SLC18B1: variants seen among roughly 807,000 people sequenced by gnomAD.
SLC18B1 encodes the protein MFS-type transporter SLC18B1.
In SLC18B1, 62 loss-of-function variants were observed where a neutral mutation model predicts 53.9. That is an observed-to-expected ratio of 1.15 (90% CI 0.94 to 1.42). The LOEUF is 1.42. Among genes scored for constraint, SLC18B1 ranks in the 40% most tolerant of loss-of-function variants. The pLI, the probability that SLC18B1 is intolerant of heterozygous loss-of-function variation, is 0.00. For synonymous variants in SLC18B1, 217 were observed against 200.9 expected (o/e 1.08, Z -0.68); for missense variants, 598 against 547.3 (o/e 1.09, Z -0.93).
At chr6:132,792,395 A>AAAAG (rs1554223387) in intron 2 of SLC18B1, among the ~76,000 whole-genome samples, 20 of 147,828 alleles carry the variant, frequency 1.4e-4, no homozygotes, top group Admixed American at 2.7e-4. Flanking sequence ...AAAGAAGGAA[A>AAAAG]GAAGGAAGGA....
intron 2 of SLC18B1, among the ~76,000 whole-genome samples, chr6:132,792,151 C>G (rs897675078): frequency 4.7e-5 from 7 of 150,390 alleles, no homozygotes; most frequent in Non-Finnish European, 8.8e-5. Context: ...TCACTTGAAC[C>G]CAGGAGTCAG....
In SLC18B1 at chr6:132,789,390, G is replaced by A. The variant is rs547614075; in HGVS notation, c.353+374C>T. ...CAAATCACAAGAAGAAAAATTTCTCGTGACATCGTTTCAAATCTGTATTCT... is the reference window on the plus strand; with the variant it reads ...CAAATCACAAGAAGAAAAATTTCTCATGACATCGTTTCAAATCTGTATTCT... On this transcript the variant is annotated intron_variant, in intron 4 of 13. Coordinates refer to ENST00000275227, the MANE Select transcript of SLC18B1 (RefSeq NM_052831.3). The A allele has an allele frequency of 1.6e-4, 27 of 163,654 alleles. No homozygotes were observed. In the South Asian group the frequency reaches 2.1e-3, roughly 12 times the overall value. The allele number at this position is 163,654 out of a possible 1,614,324, so 10.1% of individuals were successfully genotyped here.
intron 6 of SLC18B1, among the ~76,000 whole-genome samples, chr6:132,782,083 G>A (rs112208620): frequency 0.021 from 3,244 of 151,712 alleles, 110 homozygotes; most frequent in African/African-American, 0.072. Flanking sequence ...AGCTACTCGG[G>A]AGGCTGAAGC....
intron 9 of SLC18B1, among the ~76,000 whole-genome samples, chr6:132,773,872 A>T (rs1781038342): frequency 7.1e-6 from 1 of 141,314 alleles, no homozygotes; most frequent in Non-Finnish European, 1.5e-5. Flanking sequence ...GAAAAAGAAA[A>T]GAAAAAAAAA....
chr6:132,784,036 A>C lies in SLC18B1; in HGVS notation c.555T>G (p.Gly185=). The change falls in exon 6 of 14, where the codon GGT becomes GGG. Residue 185 remains glycine (G), a synonymous_variant. Coordinates refer to ENST00000275227, the MANE Select transcript of SLC18B1 (RefSeq NM_052831.3). Reference sequence around the variant, plus strand: ...AGCCAAAGGATTGATACAAAAAGCCACCTACAGGAGGACCTAGTATTAGCC... The same window carrying C: ...AGCCAAAGGATTGATACAAAAAGCCCCCTACAGGAGGACCTAGTATTAGCC... ...GLGLILGPPV[G]GFLYQSFGYE... The C allele has an allele frequency of 6.2e-7, 1 of 1,609,620 alleles. No homozygotes were observed. Among genetic ancestry groups the C allele is most frequent in the Non-Finnish European group, 8.5e-7 (1 of 1,178,096 alleles).
intron 3 of SLC18B1, 36 bp from the exon 4 acceptor site, chr6:132,789,873 G>A (rs756931637): frequency 1.4e-6 from 2 of 1,455,758 alleles, no homozygotes; most frequent in Admixed American, 1.7e-5. Context: ...GTAAATTTAT[G>A]ACTTCCGAAA....
intron 5 of SLC18B1, among the ~76,000 whole-genome samples, chr6:132,786,504 G>A (rs1781376453): frequency 1.4e-5 from 2 of 140,424 alleles, no homozygotes; most frequent in South Asian, 4.4e-4. Flanking sequence ...AGCCGAGATC[G>A]CTCCACTGCA....
At chr6:132,791,057 A>G (rs1239900847) in intron 2 of SLC18B1, among the ~76,000 whole-genome samples, 1 of 152,244 alleles carries the variant, frequency 6.6e-6, no homozygotes, top group Non-Finnish European at 1.5e-5. Flanking sequence ...AACTTTGTCA[A>G]GTCCCGGAAC....
chr6:132,787,680 T>A (rs529988560), intron 4 of SLC18B1, 99 bp from the exon 5 acceptor site: 4 of 1,084,144 alleles, frequency 3.7e-6, no homozygotes, highest in Admixed American at 3.4e-5. Flanking sequence ...ACCTCACTCA[T>A]GGTTTTTAGA....
At position 132,770,341 on chromosome 6, in the gene SLC18B1, A is replaced by G. The variant is rs760130126; in HGVS notation, c.1305-5T>C. On this transcript the variant is annotated splice_polypyrimidine_tract_variant and splice_region_variant and intron_variant, in intron 13 of 13. Coordinates refer to ENST00000275227, the MANE Select transcript of SLC18B1 (RefSeq NM_052831.3). ...AGGATGTTTTGAGATTTAGACCTAC[A>G]TTGAGGGAAAGAAGAGATGAATCTC... 1.2e-5 allele frequency: 20 copies of G among 1,609,618 alleles called. No individual in the cohort carries two copies. The South Asian group carries it at 2.2e-4, about 18-fold the overall frequency.
chr6:132,776,454 G>A, intron 7 of SLC18B1, 25 bp from the exon 8 acceptor site: 1 of 1,559,170 alleles, frequency 6.4e-7, no homozygotes, highest in Non-Finnish European at 8.8e-7. Context: ...CTATATTAAA[G>A]TTACATAATT....
chr6:132,783,638 C>T (rs1323601098), intron 6 of SLC18B1, among the ~76,000 whole-genome samples: 2 of 152,112 alleles, frequency 1.3e-5, no homozygotes, highest in African/African-American at 4.8e-5. Context: ...CATATGTGGC[C>T]CACAGAAACT....
At chr6:132,779,147 A>T in intron 7 of SLC18B1, 121 bp downstream of exon 7, 1 of 1,110,658 alleles carries the variant, frequency 9.0e-7, no homozygotes, top group Non-Finnish European at 1.3e-6. Flanking sequence ...CTCGGTGTGT[A>T]GTGCCCATTC....
At chr6:132,779,077 C>A (rs1385869627) in intron 7 of SLC18B1, among the ~76,000 whole-genome samples, 191 bp downstream of exon 7, 1 of 152,170 alleles carries the variant, frequency 6.6e-6, no homozygotes, top group Non-Finnish European at 1.5e-5. Flanking sequence ...TGAAAGACTT[C>A]CTTCATTTTT....
chr6:132,790,850 G>A (rs1209423346), intron 2 of SLC18B1, among the ~76,000 whole-genome samples: 1 of 152,078 alleles, frequency 6.6e-6, no homozygotes, highest in Non-Finnish European at 1.5e-5. Context: ...ATGCTCCCCT[G>A]ACATTCTACG....
intron 9 of SLC18B1, 149 bp from the exon 10 acceptor site, chr6:132,773,237 A>C: frequency 3.5e-6 from 1 of 283,160 alleles, no homozygotes; most frequent in South Asian, 2.9e-5. Context: ...CATCTAACCC[A>C]TTTCATTCAG....
At position 132,772,158 on chromosome 6, in the gene SLC18B1, A is replaced by G. The variant is rs1392909628; in HGVS notation, c.1134T>C (p.Gly378=). The part of the protein sequence containing the change: ...EGLSTLGLVS[G]LFSAMWSIGA... ...CAATTGACCACATTGCACTAAAAAG[A>G]CCTGATACAAGTCCCAATGTACTTA... The change falls in exon 11 of 14, where the codon GGT becomes GGC. Residue 378 remains glycine (G), a synonymous_variant. Coordinates refer to ENST00000275227, the MANE Select transcript of SLC18B1 (RefSeq NM_052831.3). 2 of 1,582,256 alleles carry G rather than the reference A, an allele frequency of 1.3e-6. No individual in the cohort carries two copies. The highest frequency in any genetic ancestry group is 1.7e-6 in the Non-Finnish European group (2 of 1,169,386).
Position 132,792,353 on chromosome 6 carries a change from A to G in SLC18B1, c.184-2081T>C, listed in dbSNP as rs190734595. ...GAAGGAAGGAAGGAAGGAAGGAAGG[A>G]AGGGAAAGAAAGAAAAGAAGGAAAG... On this transcript the variant is annotated intron_variant, in intron 2 of 13. Coordinates refer to ENST00000275227, the MANE Select transcript of SLC18B1 (RefSeq NM_052831.3). Among the ~76,000 whole-genome samples the G allele has an allele frequency of 8.6e-5, 10 of 116,070 alleles. No homozygotes were observed. In the East Asian group the frequency reaches 1.1e-3, roughly 13 times the overall value. 76.1% of individuals were successfully genotyped at this position (116,070 alleles called of 152,430 possible). A position where few individuals can be genotyped will look rare whatever the true frequency, so the allele number is the denominator to read the frequency against.
At chr6:132,778,997 G>A (rs993213337) in intron 7 of SLC18B1, among the ~76,000 whole-genome samples, 3 of 152,166 alleles carry the variant, frequency 2.0e-5, no homozygotes, top group African/African-American at 7.2e-5. Context: ...CACGGATGAT[G>A]CCCAAGCTAA....
Sources: allele counts gnomAD v4.1 joint callset (sites outside exome capture counted in the v4.1 genomes callset), GRCh38; gene constraint gnomAD v4.1.1; transcripts MANE v1.5; gene names NCBI Gene and HGNC (gene_info 2026-07-23, HGNC 2026-07-21).